Variants in CPSF2 observed in about 807,000 individuals in gnomAD.
CPSF2 encodes cleavage and polyadenylation specificity factor subunit 2.
CPSF2 carries 51 observed loss-of-function variants against 84.2 expected under a neutral mutation model. That is an observed-to-expected ratio of 0.61 (90% CI 0.48 to 0.77). The LOEUF (loss-of-function observed/expected upper bound fraction) is 0.77, where lower values mean the gene tolerates loss of function less well. CPSF2 is among the 30% of genes least tolerant of loss of function. The pLI is 0.00. For synonymous variants in CPSF2, 286 were observed against 311.9 expected, an observed-to-expected ratio of 0.92 and a Z score of 0.87; for missense variants, 641 against 929.4, an observed-to-expected ratio of 0.69 and a Z score of 4.03.
intron 9 of CPSF2, among the ~76,000 whole-genome samples, chr14:92,144,750 C>T (rs1322359733): frequency 6.6e-6 from 1 of 152,212 alleles, no homozygotes; most frequent in Non-Finnish European, 1.5e-5. Flanking sequence ...AAGGGGACCC[C>T]ATACCAGTAC....
Position 92,159,071 on chromosome 14 carries a change from T to A in CPSF2, c.1910T>A (p.Met637Lys). 6.2e-7 allele frequency: 1 copy of A among 1,614,036 alleles called. No individual in the cohort carries two copies. Among genetic ancestry groups the A allele is most frequent in the Non-Finnish European group, 8.5e-7 (1 of 1,179,954 alleles). The change falls in exon 14 of 16, where the codon ATG becomes AAG. Residue 637 changes from methionine (M) to lysine (K), a missense_variant. Met to Lys is a moderately conservative substitution (Grantham distance 95, BLOSUM62 -1). This residue lies in a region of CPSF2 where 430 missense variants were observed against 553.6 expected (regional missense o/e 0.78). Coordinates refer to ENST00000298875, the MANE Select transcript of CPSF2 (RefSeq NM_017437.3). ...GCTTGGATAGATGGTGTCTTAGATA[T>A]GAGAGTTTCCAAAGTGGACACAGGG... Reference protein sequence around the residue: ...ELAWIDGVLDMRVSKVDTGVI... With the variant: ...ELAWIDGVLDKRVSKVDTGVI...
chr14:92,143,343 T>C (rs769080867), intron 9 of CPSF2, 49 bp downstream of exon 9: 1 of 1,200,418 alleles, frequency 8.3e-7, no homozygotes, highest in Non-Finnish European at 1.2e-6. Context: ...GGGGGATACA[T>C]TGTGCATGAT....
chr14:92,130,854 A>C (rs868242441), intron 2 of CPSF2, 97 bp from the exon 3 acceptor site: 2 of 719,986 alleles, frequency 2.8e-6, no homozygotes, highest in Non-Finnish European at 2.1e-6. Context: ...TGGAATTTCT[A>C]TGCACTTAAA....
chr14:92,155,092 A>G, intron 10 of CPSF2, 31 bp from the exon 11 acceptor site: 1 of 1,397,556 alleles, frequency 7.2e-7, no homozygotes, highest in South Asian at 1.2e-5. Context: ...TTGAAACTTT[A>G]TGACCTTGAT....
intron 14 of CPSF2, among the ~76,000 whole-genome samples, chr14:92,159,577 C>T (rs556831368): frequency 2.0e-5 from 3 of 152,238 alleles, no homozygotes; most frequent in African/African-American, 4.8e-5. Flanking sequence ...GTAATCTCAG[C>T]TTAGAAGGCT....
chr14:92,124,203 T>C (rs573323871), intron 1 of CPSF2, among the ~76,000 whole-genome samples: 1 of 152,268 alleles, frequency 6.6e-6, no homozygotes, highest in South Asian at 2.1e-4. Context: ...TGGTTTCCAA[T>C]AGGGAGTTTA....
chr14:92,122,935 C>A (rs2068795631), intron 1 of CPSF2, among the ~76,000 whole-genome samples: 1 of 151,420 alleles, frequency 6.6e-6, no homozygotes, highest in South Asian at 2.1e-4. Context: ...GAGATCCTCC[C>A]ATTTTGGCCT....
chr14:92,130,028 G>A lies in CPSF2; in HGVS notation c.-34-923G>A, dbSNP rs1258561651. Reference sequence around the variant, plus strand: ...TTCCCAAAGTGCTGGGATCACAGGCGTGAGCCACCGTGCCTGGCCTGTAGA... The same window carrying A: ...TTCCCAAAGTGCTGGGATCACAGGCATGAGCCACCGTGCCTGGCCTGTAGA... On this transcript the variant is annotated intron_variant, in intron 2 of 15. Transcript: ENST00000298875. Among the ~76,000 whole-genome samples the A allele has an allele frequency of 7.9e-5, 12 of 152,198 alleles. No individual in the cohort carries two copies. In the East Asian group the frequency reaches 1.9e-3, roughly 25 times the overall value.
At chr14:92,134,497 C>A in intron 5 of CPSF2, 142 bp downstream of exon 5, 1 of 600,524 alleles carries the variant, frequency 1.7e-6, no homozygotes, top group Non-Finnish European at 3.0e-6. Flanking sequence ...TGATACAGAA[C>A]TCTTAACTTC....
rs2069427585 is a variant in CPSF2, at chr14:92,165,197, A to G, written c.*3453A>G. 1 of 152,036 alleles carries G rather than the reference A, an allele frequency of 6.6e-6. No homozygotes were observed. The highest frequency in any genetic ancestry group is 6.5e-5 in the Admixed American group (1 of 15,268). The allele number at this position is 152,036 out of a possible 1,614,324, so 9.4% of individuals were successfully genotyped here. ...GTTGATGTACATTTGAGTTGATTCC[A>G]AATTTTGGCTATTAAGAATGCTGCT... On this transcript the variant is annotated 3_prime_UTR_variant, in exon 16 of 16. Coordinates refer to ENST00000298875, the MANE Select transcript of CPSF2 (RefSeq NM_017437.3).
chr14:92,154,490 T>C, intron 10 of CPSF2, 32 bp downstream of exon 10: 1 of 1,423,168 alleles, frequency 7.0e-7, no homozygotes, highest in East Asian at 2.3e-5. Flanking sequence ...TATAAATTTA[T>C]GGATGCAATT....
intron 9 of CPSF2, among the ~76,000 whole-genome samples, chr14:92,144,904 G>A (rs1404997005): frequency 6.6e-6 from 1 of 152,172 alleles, no homozygotes; most frequent in Non-Finnish European, 1.5e-5. Context: ...AAAGCAGTGA[G>A]TCAGGAATTC....
At chr14:92,125,113 T>C (rs2068828989) in intron 1 of CPSF2, among the ~76,000 whole-genome samples, 1 of 152,078 alleles carries the variant, frequency 6.6e-6, no homozygotes, top group African/African-American at 2.4e-5. Context: ...AGGTGCAGGG[T>C]ATTTCTGAAG....
chr14:92,130,465 A>G (rs11621483), intron 2 of CPSF2, among the ~76,000 whole-genome samples: 24,327 of 152,158 alleles, frequency 0.16, 2,078 homozygotes, highest in East Asian at 0.29. Context: ...TTGAAGGATG[A>G]GTTCATTAAT....
At chr14:92,139,252 C>T (rs1194102289) in intron 7 of CPSF2, among the ~76,000 whole-genome samples, 1 of 151,924 alleles carries the variant, frequency 6.6e-6, no homozygotes, top group African/African-American at 2.4e-5. Flanking sequence ...CCCGTCTCTA[C>T]TAAATATACA....
chr14:92,126,566 T>C (rs924059564), intron 2 of CPSF2, among the ~76,000 whole-genome samples: 1 of 152,188 alleles, frequency 6.6e-6, no homozygotes, highest in Non-Finnish European at 1.5e-5. Context: ...ATTCCAGCAT[T>C]TGGGGAGGCC....
chr14:92,142,116 G>A, intron 7 of CPSF2, 48 bp from the exon 8 acceptor site: 1 of 1,317,760 alleles, frequency 7.6e-7, no homozygotes, highest in Non-Finnish European at 1.0e-6. Context: ...TAATTTTGTA[G>A]CATAGTATTG....
chr14:92,130,114 A>G (rs1039585757), intron 2 of CPSF2, among the ~76,000 whole-genome samples: 2 of 152,186 alleles, frequency 1.3e-5, no homozygotes, highest in African/African-American at 4.8e-5. Context: ...GCATTTCATC[A>G]GATATATGTT....
At chr14:92,128,600 G>A (rs2068872931) in intron 2 of CPSF2, among the ~76,000 whole-genome samples, 1 of 152,240 alleles carries the variant, frequency 6.6e-6, no homozygotes, top group African/African-American at 2.4e-5. Flanking sequence ...GAAGTACCTA[G>A]AGGAGCAAGA....
Sources: gnomAD v4.1 joint callset for allele counts (sites outside exome capture counted in the v4.1 genomes callset) on GRCh38, gnomAD v4.1.1 for gene constraint, gnomAD v4.1.1 regional missense constraint, MANE v1.5 for transcripts, NCBI Gene and HGNC (gene_info 2026-07-23, HGNC 2026-07-21) for gene names.